Variants in PPARGC1B observed in about 807,000 individuals in gnomAD.
The protein encoded by PPARGC1B is peroxisome proliferator-activated receptor gamma coactivator 1-beta.
Under a neutral mutation model 101.6 loss-of-function variants are expected in PPARGC1B, and 34 were observed. That is an observed-to-expected ratio of 0.33 (90% confidence interval 0.25 to 0.45). The LOEUF (loss-of-function observed/expected upper bound fraction) is 0.45. Ranked by LOEUF, PPARGC1B falls within the 20% of genes least tolerant of loss-of-function variation. The pLI, the probability that PPARGC1B is intolerant of heterozygous loss-of-function variation, is 1.00. For synonymous variants in PPARGC1B, 548 were observed against 539.3 expected (o/e 1.02, Z -0.22); for missense variants, 1,234 against 1,317.6 (o/e 0.94, Z 0.98).
rs951426590 is a variant in PPARGC1B, at chr5:149,848,900, A to G, written c.*1342A>G. 1 of 152,180 alleles carries G rather than the reference A, an allele frequency of 6.6e-6. No homozygotes were observed. Among genetic ancestry groups the G allele is most frequent in the Non-Finnish European group, 1.5e-5 (1 of 68,028 alleles). The allele number at this position is 152,180 out of a possible 1,614,324, so 9.4% of individuals were successfully genotyped here. A position where few individuals can be genotyped will look rare whatever the true frequency, so the allele number is the denominator to read the frequency against. ...TTGGGAATAGATAGGACAATCTCCTAGCTCTCCTCCAATTGAGAAAACACT... is the reference window on the plus strand; with the variant it reads ...TTGGGAATAGATAGGACAATCTCCTGGCTCTCCTCCAATTGAGAAAACACT... On this transcript the variant is annotated 3_prime_UTR_variant, in exon 12 of 12. Coordinates refer to ENST00000309241, the MANE Select transcript of PPARGC1B (RefSeq NM_133263.4).
rs770918178 is a variant in PPARGC1B, at chr5:149,840,104, G to A, written c.2682G>A (p.Arg894=). The A allele has an allele frequency of 6.2e-7, 1 of 1,612,926 alleles. No individual in the cohort carries two copies. Among genetic ancestry groups the A allele is most frequent in the African/African-American group, 1.3e-5 (1 of 75,034 alleles). ...TPSIRHARKR[R]EKAIGEGRVV... ...GCATCCGGCACGCCAGGAAGCGGCGGGAAAAGGCCATTGTAAGTGATCTGG... is the reference window on the plus strand; with the variant it reads ...GCATCCGGCACGCCAGGAAGCGGCGAGAAAAGGCCATTGTAAGTGATCTGG... The change falls in exon 9 of 12, where the codon CGG becomes CGA. Residue 894 remains arginine (R), a synonymous_variant. Coordinates refer to ENST00000309241, the MANE Select transcript of PPARGC1B (RefSeq NM_133263.4).
At position 149,847,810 on chromosome 5, in the gene PPARGC1B, G is replaced by C; in HGVS notation, c.*252G>C. 2.0e-6 allele frequency: 1 copy of C among 494,330 alleles called. No individual in the cohort carries two copies. The highest frequency in any genetic ancestry group is 3.3e-5 in the East Asian group (1 of 30,134). 30.6% of individuals were successfully genotyped at this position (494,330 alleles called of 1,614,324 possible). A position where few individuals can be genotyped will look rare whatever the true frequency, so the allele number is the denominator to read the frequency against. ...ACATTAGTGTCCTCGCTTCCAACGG[G>C]TTGTCCCGGGTGCACCTCGAAGTGC... On this transcript the variant is annotated 3_prime_UTR_variant, in exon 12 of 12. Transcript: ENST00000309241.
At chr5:149,855,679 G>A (rs1308382479), downstream of PPARGC1B, among the ~76,000 whole-genome samples, 1 of 152,128 alleles carries the variant, frequency 6.6e-6, no homozygotes, top group East Asian at 1.9e-4. Context: ...TCTCAGTTGC[G>A]TGCCTGTGTG....
intron 1 of PPARGC1B, among the ~76,000 whole-genome samples, chr5:149,770,092 C>T (rs1294935178): frequency 2.0e-5 from 3 of 152,206 alleles, no homozygotes; most frequent in African/African-American, 7.2e-5. Context: ...AGCAGCCAGT[C>T]AGCCTCTGTC....
intron 1 of PPARGC1B, among the ~76,000 whole-genome samples, chr5:149,811,442 T>C (rs1297018426): frequency 6.6e-6 from 1 of 152,260 alleles, no homozygotes; most frequent in Admixed American, 6.5e-5. Flanking sequence ...TCTCGTCTTT[T>C]GTACTCATAT....
chr5:149,810,693 G>A (rs1405147319), intron 1 of PPARGC1B, among the ~76,000 whole-genome samples: 1 of 152,232 alleles, frequency 6.6e-6, no homozygotes, highest in Non-Finnish European at 1.5e-5. Flanking sequence ...GGCCACAGAT[G>A]TTGAGAAAGT....
chr5:149,736,444 A>G (rs947817678), intron 1 of PPARGC1B, among the ~76,000 whole-genome samples: 2 of 152,058 alleles, frequency 1.3e-5, no homozygotes, highest in Admixed American at 6.5e-5. Flanking sequence ...AGTCATTTGG[A>G]AGAAAATGAT....
chr5:149,757,410 G>A (rs1200409158), intron 1 of PPARGC1B, among the ~76,000 whole-genome samples: 2 of 152,128 alleles, frequency 1.3e-5, no homozygotes, highest in African/African-American at 4.8e-5. Flanking sequence ...CTGCCTGAGG[G>A]GATGGCCAAG....
chr5:149,847,097 A>T, intron 11 of PPARGC1B: 1 of 350,974 alleles, frequency 2.8e-6, no homozygotes, highest in Non-Finnish European at 5.5e-6. Context: ...AAAAAAAAAA[A>T]TTCTAGTGTT....
At chr5:149,731,742 C>T (rs1472707305) in intron 1 of PPARGC1B, among the ~76,000 whole-genome samples, 6 of 152,234 alleles carry the variant, frequency 3.9e-5, no homozygotes, top group Admixed American at 6.5e-5. Context: ...AAGCTGACTC[C>T]TTGCGGTGAA....
At position 149,849,742 on chromosome 5, in the gene PPARGC1B, A is replaced by G. The variant is rs960754259; in HGVS notation, c.*2184A>G. Reference sequence around the variant, plus strand: ...CATGAGAGAAAACTCCCCTAATGCTATTCCATGGCGTAACACTCCCAATAC... The same window carrying G: ...CATGAGAGAAAACTCCCCTAATGCTGTTCCATGGCGTAACACTCCCAATAC... On this transcript the variant is annotated 3_prime_UTR_variant, in exon 12 of 12. Coordinates refer to ENST00000309241, the MANE Select transcript of PPARGC1B (RefSeq NM_133263.4). 3.9e-5 allele frequency: 6 copies of G among 152,164 alleles called. No homozygotes were observed. Among genetic ancestry groups the G allele is most frequent in the Non-Finnish European group, 7.4e-5 (5 of 68,026 alleles). 9.4% of individuals were successfully genotyped at this position (152,164 alleles called of 1,614,324 possible).
chr5:149,819,275 C>T (rs1490246530), intron 1 of PPARGC1B, among the ~76,000 whole-genome samples: 1 of 152,216 alleles, frequency 6.6e-6, no homozygotes, highest in Non-Finnish European at 1.5e-5. Flanking sequence ...TTATGACCGT[C>T]TAGATCTTTT....
intron 11 of PPARGC1B, 107 bp downstream of exon 11, chr5:149,846,021 A>G: frequency 7.6e-7 from 1 of 1,312,080 alleles, no homozygotes; most frequent in Non-Finnish European, 1.1e-6. Flanking sequence ...CATAGCTTCC[A>G]TCCCCACACC....
chr5:149,783,388 TG>T (rs902477808), intron 1 of PPARGC1B, among the ~76,000 whole-genome samples: 1 of 152,180 alleles, frequency 6.6e-6, no homozygotes, highest in African/African-American at 2.4e-5. Flanking sequence ...GTCATGACCT[TG>T]GGGGATTCTT....
chr5:149,810,995 G>A (rs1381846490), intron 1 of PPARGC1B, among the ~76,000 whole-genome samples: 2 of 152,196 alleles, frequency 1.3e-5, no homozygotes, highest in Non-Finnish European at 2.9e-5. Flanking sequence ...AATGAGAGTG[G>A]AAACTACGGC....
intron 1 of PPARGC1B, among the ~76,000 whole-genome samples, chr5:149,778,392 C>G (rs557368018): frequency 2.0e-4 from 31 of 152,004 alleles, no homozygotes; most frequent in Admixed American, 1.4e-3. Flanking sequence ...CTCCAGTGGC[C>G]AGAGAGACTC....
chr5:149,800,648 C>T (rs1757401443), intron 1 of PPARGC1B, among the ~76,000 whole-genome samples: 1 of 152,222 alleles, frequency 6.6e-6, no homozygotes, highest in East Asian at 1.9e-4. Context: ...TAAACAGCCT[C>T]CGCTGTTTTT....
At chr5:149,732,073 T>TGTGC (rs1254654214) in intron 1 of PPARGC1B, among the ~76,000 whole-genome samples, 16 of 118,900 alleles carry the variant, frequency 1.3e-4, no homozygotes, top group African/African-American at 4.9e-4. Flanking sequence ...TGTGTGTGTG[T>TGTGC]GTGTGCACAC....
chr5:149,805,462 C>T (rs375099179), intron 1 of PPARGC1B, among the ~76,000 whole-genome samples: 25 of 152,268 alleles, frequency 1.6e-4, no homozygotes, highest in East Asian at 1.3e-3. Context: ...TTTTTTGAGA[C>T]GGAGTCTCAC....
Sources: gnomAD v4.1 joint callset for allele counts (sites outside exome capture counted in the v4.1 genomes callset) on GRCh38, gnomAD v4.1.1 for gene constraint, MANE v1.5 for transcripts, NCBI Gene and HGNC (gene_info 2026-07-23, HGNC 2026-07-21) for gene names.